PTPRQ: variants seen among roughly 807,000 people sequenced by gnomAD.
The protein encoded by PTPRQ is protein tyrosine phosphatase receptor type Q, also known as phosphatidylinositol phosphatase PTPRQ.
PTPRQ carries 199 observed loss-of-function variants against 246.0 expected under a neutral mutation model. The ratio of observed to expected loss-of-function variants is 0.81; its 90% CI spans 0.72 to 0.91. The LOEUF (loss-of-function observed/expected upper bound fraction) is 0.91, where lower values mean the gene tolerates loss of function less well. Ranked by LOEUF, PTPRQ falls within the 40% of genes least tolerant of loss-of-function variation. PTPRQ has a pLI of 0.00. For missense variants in PTPRQ, 2,624 were observed against 2,528.4 expected (o/e 1.04, Z -0.81); for synonymous variants, 869 against 853.2 (o/e 1.02, Z -0.32).
chr12:80,514,926 A>G (rs1455038554), intron 17 of PTPRQ, among the ~76,000 whole-genome samples: 2 of 148,352 alleles, frequency 1.3e-5, no homozygotes, highest in African/African-American at 4.9e-5. Context: ...AATATTATCT[A>G]TAATATATAT....
rs558771157 is a variant in PTPRQ at position 80,505,897 on chromosome 12, A to T, written c.2273-127A>T. 20 of 1,092,452 alleles carry T rather than the reference A, an allele frequency of 1.8e-5. No homozygotes were observed. The African/African-American group carries it at 3.2e-4, about 18-fold the overall frequency. 67.7% of individuals were successfully genotyped at this position (1,092,452 alleles called of 1,614,324 possible). On this transcript the variant is annotated intron_variant, in intron 14 of 44. Transcript: ENST00000644991. ...ATTTATACTTTACTTCATTCAGGAT[A>T]TTTATTACGATTACATTCTAGTGAA...
In PTPRQ at chr12:80,451,064, G is replaced by T. The variant is rs553633828; in HGVS notation, c.390+5347G>T. 3.3e-5 allele frequency among the ~76,000 whole-genome samples: 5 copies of T among 152,292 alleles called. No individual in the cohort carries two copies. The South Asian group carries it at 1.0e-3, about 32-fold the overall frequency. On this transcript the variant is annotated intron_variant, in intron 3 of 44. Coordinates refer to ENST00000644991, the MANE Select transcript of PTPRQ (RefSeq NM_001145026.2). ...ATTGCCACAATTTCAGAGCCTGTTA[G>T]TGGTCTATTCAGAGAGTCAACTTCT...
At chr12:80,596,747 T>C (rs571665377) in intron 26 of PTPRQ, among the ~76,000 whole-genome samples, 2 of 152,132 alleles carry the variant, frequency 1.3e-5, no homozygotes, top group South Asian at 4.1e-4. Flanking sequence ...TTCTTCTGCA[T>C]TTACCAAGAA....
chr12:80,600,003 A>G (rs1205765825), intron 26 of PTPRQ, among the ~76,000 whole-genome samples: 2 of 151,912 alleles, frequency 1.3e-5, no homozygotes, highest in Admixed American at 6.6e-5. Context: ...AACTTGTGTA[A>G]CAAGACAGGC....
At chr12:80,459,211 C>T (rs1049634095) in intron 4 of PTPRQ, 73 bp from the exon 5 acceptor site, 12 of 396,870 alleles carry the variant, frequency 3.0e-5, no homozygotes, top group Middle Eastern at 6.2e-4. Context: ...ATTTCATGTA[C>T]CATGAAATTA....
chr12:80,451,424 A>T (rs1288547997), intron 3 of PTPRQ, among the ~76,000 whole-genome samples: 22 of 55,974 alleles, frequency 3.9e-4, no homozygotes, highest in Non-Finnish European at 6.6e-4. Context: ...CTGCTAGCTT[A>T]TGAATGTGTT....
chr12:80,601,113 G>GTA (rs1455161469), intron 26 of PTPRQ, among the ~76,000 whole-genome samples: 4 of 151,754 alleles, frequency 2.6e-5, no homozygotes, highest in Non-Finnish European at 5.9e-5. Flanking sequence ...ATTTAAAATA[G>GTA]TAACGCCCTA....
At chr12:80,482,131 A>G (rs1282502797) in intron 8 of PTPRQ, among the ~76,000 whole-genome samples, 3 of 151,984 alleles carry the variant, frequency 2.0e-5, no homozygotes, top group Non-Finnish European at 4.4e-5. Flanking sequence ...ACTATACTAC[A>G]AGGCTACAGT....
At position 80,506,659 on chromosome 12, in the gene PTPRQ, C is replaced by T. The variant is rs974503422; in HGVS notation, c.2546C>T (p.Thr849Met). 7.3e-5 allele frequency: 113 copies of T among 1,539,526 alleles called. No homozygotes were observed. Among genetic ancestry groups the T allele is most frequent in the East Asian group, 3.7e-4 (15 of 40,644 alleles). Reference protein sequence around the residue: ...GVRSAPISILTEEDAPDSPPQ... With the variant: ...GVRSAPISILMEEDAPDSPPQ... ...CGGAGTGCTCCCATAAGTATACTGACGGAGGAAGATGGTAAATATAATAGT... is the reference window on the plus strand; with the variant it reads ...CGGAGTGCTCCCATAAGTATACTGATGGAGGAAGATGGTAAATATAATAGT... The change falls in exon 16 of 45, where the codon ACG becomes ATG. Residue 849 changes from threonine to methionine, a missense_variant. Transcript: ENST00000644991.
chr12:80,474,365 TA>T (rs988832129), intron 8 of PTPRQ, among the ~76,000 whole-genome samples: 3 of 152,206 alleles, frequency 2.0e-5, no homozygotes, highest in African/African-American at 7.2e-5. Flanking sequence ...AATTACCTTT[TA>T]AAACAATTGG....
chr12:80,647,547 C>A (rs1900115303), intron 35 of PTPRQ, among the ~76,000 whole-genome samples: 1 of 152,056 alleles, frequency 6.6e-6, no homozygotes, highest in Non-Finnish European at 1.5e-5. Flanking sequence ...TTATTTTTAA[C>A]AAAGATTGAT....
chr12:80,505,270 T>C (rs1894920468), intron 14 of PTPRQ, among the ~76,000 whole-genome samples: 1 of 151,968 alleles, frequency 6.6e-6, no homozygotes, highest in Admixed American at 6.6e-5. Flanking sequence ...TGTTTTTCTG[T>C]GACTTTTTTT....
chr12:80,522,596 C>A (rs1430140650), intron 17 of PTPRQ, among the ~76,000 whole-genome samples: 1 of 152,028 alleles, frequency 6.6e-6, no homozygotes, highest in Non-Finnish European at 1.5e-5. Flanking sequence ...TTGTCAAAGG[C>A]CTTTTCTGCA....
At position 80,673,295 on chromosome 12, in the gene PTPRQ, G is replaced by A. The variant is rs1275487808; in HGVS notation, c.6729G>A (p.Val2243=). Residue 2243 remains valine, a synonymous_variant, in exon 43 of 45, where the codon GTG becomes GTA. Coordinates refer to ENST00000644991, the MANE Select transcript of PTPRQ (RefSeq NM_001145026.2). ...TGAGAAGTGAAAGAATGTGCATGGT[G>A]CAGAATCTGGTAAGATCTCTAAACC... ...AELRSERMCM[V]QNLAQYIFLH... The A allele has an allele frequency of 6.5e-7, 1 of 1,549,192 alleles. No homozygotes were observed. Among genetic ancestry groups the A allele is most frequent in the African/African-American group, 1.4e-5 (1 of 72,864 alleles).
At chr12:80,675,697 T>C (rs547057379) in intron 43 of PTPRQ, among the ~76,000 whole-genome samples, 1 of 152,328 alleles carries the variant, frequency 6.6e-6, no homozygotes, top group South Asian at 2.1e-4. Context: ...TTTTACCCAA[T>C]TTAGTAGTCA....
chr12:80,550,244 C>G (rs1896433340), intron 25 of PTPRQ, among the ~76,000 whole-genome samples: 1 of 152,124 alleles, frequency 6.6e-6, no homozygotes, highest in Non-Finnish European at 1.5e-5. Context: ...CTCACCTTCC[C>G]TAGCAGTGCT....
intron 26 of PTPRQ, among the ~76,000 whole-genome samples, chr12:80,599,725 A>G (rs1898081155): frequency 6.6e-6 from 1 of 151,618 alleles, no homozygotes; most frequent in Non-Finnish European, 1.5e-5. Flanking sequence ...CTACAATACT[A>G]AAATAATTAA....
At chr12:80,515,714 G>C (rs146340020) in intron 17 of PTPRQ, among the ~76,000 whole-genome samples, 1 of 150,216 alleles carries the variant, frequency 6.7e-6, no homozygotes, top group Non-Finnish European at 1.5e-5. Context: ...GATTACAGGC[G>C]TGAGCCACTA....
At position 80,620,155 on chromosome 12, in the gene PTPRQ, T is replaced by G; in HGVS notation, c.5391T>G (p.Ala1797=). The change falls in exon 32 of 45, where the codon GCT becomes GCG. Residue 1797 remains alanine, a splice_region_variant and synonymous_variant. Transcript: ENST00000644991. ...NVQVLVTETG[A]QHDGNVTKWY... is the part of the protein sequence containing the mutation. ...TGTTCTCTTTGTTTCTGAAAACAGC[T>G]CAGCATGATGGAAATGTAACAAAGT... is the stretch of plus-strand genomic sequence containing the variant. 1 of 1,542,472 alleles carries G rather than the reference T, an allele frequency of 6.5e-7. No homozygotes were observed. Among genetic ancestry groups the G allele is most frequent in the Non-Finnish European group, 8.8e-7 (1 of 1,142,840 alleles).
Sources: gnomAD v4.1 joint callset for allele counts (sites outside exome capture counted in the v4.1 genomes callset) on GRCh38, gnomAD v4.1.1 for gene constraint, MANE v1.5 for transcripts, NCBI Gene and HGNC (gene_info 2026-07-23, HGNC 2026-07-21) for gene names.